Variants in UQCRH observed in about 807,000 individuals in gnomAD.
UQCRH encodes the protein cytochrome b-c1 complex subunit 6, mitochondrial.
In UQCRH, 14 loss-of-function variants were observed where a neutral mutation model predicts 16.3. That is an observed-to-expected ratio of 0.86 (90% CI 0.57 to 1.34). The LOEUF is 1.34. UQCRH is among the 40% of genes most tolerant of loss of function. The probability of loss-of-function intolerance (pLI) is 0.00; values close to 1 mark genes in which losing one functional copy is unlikely to be tolerated. For synonymous variants in UQCRH, 41 were observed against 41.9 expected (o/e 0.98, Z 0.08); for missense variants, 89 against 111.9 (o/e 0.80, Z 0.92).
At chr1:46,309,031 A>G (rs1661422318) in intron 1 of UQCRH, 70 bp from the exon 2 acceptor site, 1 of 1,515,248 alleles carries the variant, frequency 6.6e-7, no homozygotes, top group South Asian at 1.1e-5. Flanking sequence ...GTCAGTAATT[A>G]CATCAGTATG....
At chr1:46,311,584 T>A (rs975585044) in intron 3 of UQCRH, among the ~76,000 whole-genome samples, 4 of 151,198 alleles carry the variant, frequency 2.6e-5, no homozygotes, top group African/African-American at 9.7e-5. Context: ...TATATAGTAG[T>A]TGGTCCAAAA....
chr1:46,304,377 G>T (rs1432824422), intron 1 of UQCRH, among the ~76,000 whole-genome samples: 1 of 132,562 alleles, frequency 7.5e-6, no homozygotes, highest in Admixed American at 8.7e-5. Context: ...TGCTTTATAT[G>T]CACTAATTAA....
chr1:46,308,082 T>C (rs1004112118), intron 1 of UQCRH, among the ~76,000 whole-genome samples: 1 of 152,222 alleles, frequency 6.6e-6, no homozygotes, highest in African/African-American at 2.4e-5. Context: ...ATAAGAGATA[T>C]GAAGGTGCTT....
chr1:46,309,463 A>T lies in UQCRH; in HGVS notation c.81+336A>T, dbSNP rs561778210. The T allele has an allele frequency of 6.6e-5, 18 of 272,660 alleles. No individual in the cohort carries two copies. In the South Asian group the frequency reaches 1.2e-3, roughly 18 times the overall value. 16.9% of individuals were successfully genotyped at this position (272,660 alleles called of 1,614,324 possible). On this transcript the variant is annotated intron_variant, in intron 2 of 3. Transcript: ENST00000311672. ...TCTCAGCACTTTGGGAGGCCAAGGC[A>T]GGCGGATTACCAGCCTGAACAACGT... is the stretch of plus-strand genomic sequence containing the variant.
In UQCRH at chr1:46,309,956, T is replaced by C. The variant is rs557706960; in HGVS notation, c.82-199T>C. 1.6e-5 allele frequency: 23 copies of C among 1,448,364 alleles called. No individual in the cohort carries two copies. In the African/African-American group the frequency reaches 2.8e-4, roughly 18 times the overall value. The allele number at this position is 1,448,364 out of a possible 1,614,324, so 89.7% of individuals were successfully genotyped here. ...TTGGAAGGCAGGAATGTGAAACTTT[T>C]CCCTACTACTTAGCATCAGAATTGA... is the stretch of plus-strand genomic sequence containing the variant. On this transcript the variant is annotated intron_variant, in intron 2 of 3. Coordinates refer to ENST00000311672, the MANE Select transcript of UQCRH (RefSeq NM_006004.4).
At chr1:46,313,470 T>C (rs1311522849) in intron 3 of UQCRH, among the ~76,000 whole-genome samples, 1 of 151,688 alleles carries the variant, frequency 6.6e-6, no homozygotes, top group Non-Finnish European at 1.5e-5. Context: ...CTACTAAAAA[T>C]ACAAAAAAAT....
intron 3 of UQCRH, among the ~76,000 whole-genome samples, chr1:46,313,336 A>G (rs1386179857): frequency 2.0e-5 from 3 of 152,112 alleles, no homozygotes; most frequent in Admixed American, 6.6e-5. Context: ...TACAAAAAAT[A>G]TATATATAAA....
At chr1:46,307,690 T>C (rs1251689277) in intron 1 of UQCRH, among the ~76,000 whole-genome samples, 3 of 152,222 alleles carry the variant, frequency 2.0e-5, no homozygotes, top group African/African-American at 7.2e-5. Context: ...TGTTCTGTAT[T>C]TCCAAGCTCA....
chr1:46,306,917 C>G lies in UQCRH; in HGVS notation c.55-2184C>G, dbSNP rs78913366. Reference sequence around the variant, plus strand: ...GACTTTTTTTGGAGACGGGGTCTCACTCTTGTCACCCAGACTGGGGTGCAG... The same window carrying G: ...GACTTTTTTTGGAGACGGGGTCTCAGTCTTGTCACCCAGACTGGGGTGCAG... On this transcript the variant is annotated intron_variant, in intron 1 of 3. Transcript: ENST00000311672. Among the ~76,000 whole-genome samples the G allele has an allele frequency of 1.0e-3, 159 of 152,250 alleles. 2 individuals carry two copies. The South Asian group carries it at 0.016, about 16-fold the overall frequency.
intron 3 of UQCRH, among the ~76,000 whole-genome samples, chr1:46,316,067 G>T (rs547493313): frequency 6.6e-6 from 1 of 151,914 alleles, no homozygotes. Context: ...CCCCCGCCCC[G>T]CCTCCCATTT....
chr1:46,308,951 C>A (rs775241469), intron 1 of UQCRH, 150 bp from the exon 2 acceptor site: 21 of 925,094 alleles, frequency 2.3e-5, no homozygotes, highest in Non-Finnish European at 3.5e-5. Context: ...ATTAGCAAGG[C>A]CTCTAAAATG....
At chr1:46,309,970 C>T in intron 2 of UQCRH, 185 bp from the exon 3 acceptor site, 1 of 1,466,458 alleles carries the variant, frequency 6.8e-7, no homozygotes, top group African/African-American at 1.4e-5. Flanking sequence ...TACTACTTAG[C>T]ATCAGAATTG....
intron 1 of UQCRH, among the ~76,000 whole-genome samples, chr1:46,307,700 A>G (rs764726362): frequency 1.1e-4 from 16 of 152,206 alleles, no homozygotes; most frequent in South Asian, 4.1e-4. Context: ...TTCCAAGCTC[A>G]TGAGTGGAGT....
chr1:46,310,695 T>C (rs192054507), intron 3 of UQCRH, among the ~76,000 whole-genome samples: 3 of 152,276 alleles, frequency 2.0e-5, no homozygotes, highest in East Asian at 3.9e-4. Context: ...CTCAAACTCC[T>C]GGGCTCAAGC....
intron 1 of UQCRH, 54 bp from the exon 2 acceptor site, chr1:46,309,047 G>T: frequency 1.3e-6 from 2 of 1,581,356 alleles, no homozygotes; most frequent in South Asian, 2.2e-5. Flanking sequence ...GTATGATCAG[G>T]AATAAATATG....
At position 46,303,779 on chromosome 1, in the gene UQCRH, G is replaced by A. The variant is rs1661303064; in HGVS notation, c.13G>A (p.Asp5Asn). 1.9e-6 allele frequency: 3 copies of A among 1,614,200 alleles called. No homozygotes were observed. The highest frequency in any genetic ancestry group is 2.5e-6 in the Non-Finnish European group (3 of 1,180,034). MGLE[D>N]EQKMLTESGD... ...ACCGTAGCCAGACATGGGACTGGAG[G>A]ACGAGCAAAAGATGCTTACCGAATC... Residue 5 changes from aspartate (D) to asparagine (N), a missense_variant, in exon 1 of 4, where the codon GAC (aspartate) becomes AAC (asparagine). Transcript: ENST00000311672.
chr1:46,311,659 C>T (rs1173566679), intron 3 of UQCRH, among the ~76,000 whole-genome samples: 1 of 137,740 alleles, frequency 7.3e-6, no homozygotes, highest in African/African-American at 2.7e-5. Flanking sequence ...GTGGCGCGAT[C>T]TCGGCTCACT....
intron 3 of UQCRH, among the ~76,000 whole-genome samples, chr1:46,311,315 A>G (rs1478061765): frequency 9.1e-6 from 1 of 109,352 alleles, no homozygotes. Context: ...TAATCCCAGC[A>G]CTTTGGGAGG....
chr1:46,312,710 A>G (rs1056085644), intron 3 of UQCRH, among the ~76,000 whole-genome samples: 3 of 152,054 alleles, frequency 2.0e-5, no homozygotes, highest in Non-Finnish European at 4.4e-5. Context: ...CTTTTAAAAA[A>G]TCAAAATTAA....
Sources: gnomAD v4.1 joint callset for allele counts (sites outside exome capture counted in the v4.1 genomes callset) on GRCh38, gnomAD v4.1.1 for gene constraint, MANE v1.5 for transcripts, NCBI Gene and HGNC (gene_info 2026-07-23, HGNC 2026-07-21) for gene names.